The following PRH1 variants were observed in gnomAD, a reference collection of about 807,000 sequenced individuals.
The protein encoded by PRH1 is proline rich protein HaeIII subfamily 1, also known as salivary acidic proline-rich phosphoprotein 1/2.
Under a neutral mutation model 7.9 loss-of-function variants are expected in PRH1, and 7 were observed. The observed-to-expected ratio is 0.89, with a 90% CI of 0.50 to 1.67. The LOEUF is 1.67. Ranked by LOEUF, PRH1 falls within the 40% of genes most tolerant of loss-of-function variation. The pLI is 0.00. For missense variants in PRH1, 109 were observed against 223.6 expected (o/e 0.49, Z 3.27); for synonymous variants, 45 against 80.8 (o/e 0.56, Z 2.38).
Position 10,882,493 on chromosome 12 carries a change from T to C in PRH1, c.306A>G (p.Gln102=), listed in dbSNP as rs376615470. 2.2e-6 allele frequency: 3 copies of C among 1,357,410 alleles called. No homozygotes were observed. In the African/African-American group the frequency reaches 4.7e-5, roughly 21 times the overall value. The allele number at this position is 1,357,410 out of a possible 1,614,324, so 84.1% of individuals were successfully genotyped here. A position where few individuals can be genotyped will look rare whatever the true frequency, so the allele number is the denominator to read the frequency against. ...QGPPQQGGQQ[Q]QGPPPPQGKP... ...TTCCCTGAGGAGGTGGTGGACCTTG[T>C]TGCTGCTGGCCTCCTTGTTGGGGTG... Residue 102 remains glutamine, a synonymous_variant, in exon 3 of 4, where the codon CAA becomes CAG. Coordinates refer to ENST00000543626, the MANE Select transcript of PRH1 (RefSeq NM_001393989.1).
intron 1 of PRH1, among the ~76,000 whole-genome samples, chr12:10,988,492 G>T (rs953145207): frequency 6.6e-6 from 1 of 152,134 alleles, no homozygotes; most frequent in African/African-American, 2.4e-5. Context: ...AACTCTCTAA[G>T]AGTTGTATAA....
At chr12:11,068,979 CTCACTGCTCT>C (rs1362100277) in intron 1 of PRH1, among the ~76,000 whole-genome samples, 1 of 113,100 alleles carries the variant, frequency 8.8e-6, no homozygotes, top group Non-Finnish European at 2.1e-5. Context: ...TTCGGATTGG[CTCACTGCTCT>C]CCACTGCTCT....
chr12:11,130,976 T>C (rs1223837367), intron 1 of PRH1, among the ~76,000 whole-genome samples: 1 of 152,244 alleles, frequency 6.6e-6, no homozygotes, highest in African/African-American at 2.4e-5. Flanking sequence ...TATCTCCTGT[T>C]CCCCTGGTCA....
At chr12:11,056,942 G>C (rs1943383605) in intron 1 of PRH1, among the ~76,000 whole-genome samples, 2 of 152,208 alleles carry the variant, frequency 1.3e-5, no homozygotes, top group South Asian at 4.1e-4. Flanking sequence ...AGGAACCAAA[G>C]ATTGTTAATT....
intron 1 of PRH1, among the ~76,000 whole-genome samples, chr12:11,168,561 T>A (rs1411636560): frequency 6.6e-6 from 1 of 152,100 alleles, no homozygotes; most frequent in African/African-American, 2.4e-5. Context: ...AGGTTTCCCA[T>A]CATATCAAGA....
chr12:11,132,034 A>G (rs1946360425), intron 1 of PRH1, among the ~76,000 whole-genome samples: 1 of 152,228 alleles, frequency 6.6e-6, no homozygotes, highest in Non-Finnish European at 1.5e-5. Context: ...TCTAAAAAAT[A>G]CATGAATCAG....
upstream of PRH1, chr12:11,171,484 G>A: frequency 8.1e-7 from 1 of 1,232,412 alleles, no homozygotes; most frequent in Non-Finnish European, 1.0e-6. Flanking sequence ...GAGCTGGCCT[G>A]GCAGCTGCGC....
intron 1 of PRH1, among the ~76,000 whole-genome samples, chr12:11,008,877 G>A (rs1237019396): frequency 2.6e-5 from 4 of 151,806 alleles, no homozygotes; most frequent in African/African-American, 2.4e-5. Context: ...ATATGCCTAG[G>A]TATAGAATTA....
At chr12:11,074,090 T>A (rs1162883172) in intron 1 of PRH1, among the ~76,000 whole-genome samples, 1 of 147,386 alleles carries the variant, frequency 6.8e-6, no homozygotes, top group Non-Finnish European at 1.5e-5. Flanking sequence ...CTTGACTCTC[T>A]CCTGTTCCCA....
At chr12:10,985,783 AACTT>A in intron 1 of PRH1, 3 of 636,968 alleles carry the variant, frequency 4.7e-6, no homozygotes, top group Non-Finnish European at 7.8e-6. Flanking sequence ...CTTTTAGACT[AACTT>A]TAGGTAAAAG....
intron 1 of PRH1, among the ~76,000 whole-genome samples, chr12:11,148,063 T>A (rs536417026): frequency 6.9e-6 from 1 of 145,540 alleles, no homozygotes; most frequent in African/African-American, 2.5e-5. Context: ...TGAATGGGAG[T>A]TCACTCATGA....
intron 1 of PRH1, among the ~76,000 whole-genome samples, chr12:11,040,525 C>G (rs1172466652): frequency 1.3e-5 from 2 of 152,138 alleles, no homozygotes; most frequent in Non-Finnish European, 2.9e-5. Context: ...TGAGAACACA[C>G]AGACACAGGG....
At chr12:10,922,816 G>T (rs915367158) in intron 2 of PRH1, among the ~76,000 whole-genome samples, 1 of 86,766 alleles carries the variant, frequency 1.2e-5, no homozygotes, top group Admixed American at 1.8e-4. Flanking sequence ...TCTTTTCCAT[G>T]AATTTTTTCT....
intron 1 of PRH1, among the ~76,000 whole-genome samples, chr12:11,113,287 G>A (rs1305053643): frequency 6.6e-6 from 1 of 152,118 alleles, no homozygotes; most frequent in Non-Finnish European, 1.5e-5. Context: ...CAAAGCAGGA[G>A]GCATCACACT....
intron 2 of PRH1, among the ~76,000 whole-genome samples, chr12:10,936,346 C>G (rs1179273719): frequency 6.6e-6 from 1 of 152,076 alleles, no homozygotes; most frequent in Non-Finnish European, 1.5e-5. Context: ...GAGAAGCTTT[C>G]TAAGAATGCA....
intron 1 of PRH1, among the ~76,000 whole-genome samples, chr12:11,144,537 A>G (rs1464100650): frequency 6.6e-6 from 1 of 152,162 alleles, no homozygotes; most frequent in Non-Finnish European, 1.5e-5. Context: ...CATGAGAGAA[A>G]AGGGCTTTAG....
At chr12:10,938,079 G>A in intron 2 of PRH1, 1 of 531,306 alleles carries the variant, frequency 1.9e-6, no homozygotes, top group Non-Finnish European at 3.3e-6. Flanking sequence ...ATTCTTCTCT[G>A]TATGGTAATA....
chr12:11,019,385 TTGCTGCCC>T (rs1463715395), intron 1 of PRH1, among the ~76,000 whole-genome samples: 1 of 152,294 alleles, frequency 6.6e-6, no homozygotes, highest in Non-Finnish European at 1.5e-5. Context: ...TTACCCCTCA[TTGCTGCCC>T]TGGACTTGCC....
intron 1 of PRH1, among the ~76,000 whole-genome samples, chr12:11,111,200 A>C (rs112665659): frequency 0.29 from 44,057 of 152,160 alleles, 8,261 homozygotes; most frequent in East Asian, 0.74. Context: ...ACACAATAAT[A>C]GTGAGAGACT....
Sources: allele counts gnomAD v4.1 joint callset (sites outside exome capture counted in the v4.1 genomes callset), GRCh38; gene constraint gnomAD v4.1.1; transcripts MANE v1.5; gene names NCBI Gene and HGNC (gene_info 2026-07-23, HGNC 2026-07-21).